Variants in LUZP2 observed in about 807,000 individuals in gnomAD.
The protein encoded by LUZP2 is leucine zipper protein 2.
In LUZP2, 52 loss-of-function variants were observed where a neutral mutation model predicts 51.6. The ratio of observed to expected loss-of-function variants is 1.01; its 90% CI spans 0.81 to 1.27. The LOEUF is 1.27. Among genes scored for constraint, LUZP2 ranks in the 50% most tolerant of loss-of-function variants. LUZP2 has a pLI of 0.00. For missense variants in LUZP2, 436 were observed against 395.4 expected, an observed-to-expected ratio of 1.10 and a Z score of -0.87; for synonymous variants, 154 against 137.3, an observed-to-expected ratio of 1.12 and a Z score of -0.85.
intron 1 of LUZP2, among the ~76,000 whole-genome samples, chr11:24,542,427 G>A (rs959987321): frequency 5.3e-5 from 8 of 151,946 alleles, no homozygotes; most frequent in African/African-American, 1.7e-4. Context: ...ACAAGAAAAA[G>A]GGAAAGTATG....
At position 24,605,857 on chromosome 11, in the gene LUZP2, C is replaced by T. The variant is rs1853899079; in HGVS notation, c.62+108552C>T. On this transcript the variant is annotated intron_variant, in intron 1 of 11. Coordinates refer to ENST00000336930, the MANE Select transcript of LUZP2 (RefSeq NM_001009909.4). ...TGTGTGCCCTTTGACCAGCATATCC[C>T]CATTTTTTTCACCCTTGACCTCTGA... Among the ~76,000 whole-genome samples, 4 of 151,510 alleles carry T rather than the reference C, an allele frequency of 2.6e-5. No individual in the cohort carries two copies. The South Asian group carries it at 8.3e-4, about 31-fold the overall frequency.
intron 1 of LUZP2, among the ~76,000 whole-genome samples, chr11:24,529,699 C>T (rs1415037543): frequency 3.3e-5 from 5 of 150,756 alleles, no homozygotes; most frequent in African/African-American, 7.3e-5. Context: ...GTGAAATTTC[C>T]CCCCATTTAA....
chr11:24,908,757 T>C (rs1351734947), intron 6 of LUZP2, among the ~76,000 whole-genome samples: 1 of 149,904 alleles, frequency 6.7e-6, no homozygotes, highest in African/African-American at 2.4e-5. Context: ...TTGTTTTTTT[T>C]CTTTTTTTTT....
chr11:24,876,045 C>T (rs1490534592), intron 5 of LUZP2, among the ~76,000 whole-genome samples: 4 of 151,988 alleles, frequency 2.6e-5, no homozygotes, highest in Non-Finnish European at 4.4e-5. Flanking sequence ...TTCTCCCATT[C>T]TGTAGGTTGT....
At chr11:24,604,987 A>G (rs1382512797) in intron 1 of LUZP2, among the ~76,000 whole-genome samples, 1 of 151,808 alleles carries the variant, frequency 6.6e-6, no homozygotes, top group Non-Finnish European at 1.5e-5. Flanking sequence ...TCAAGCTAGA[A>G]AGATCAAGAC....
intron 7 of LUZP2, among the ~76,000 whole-genome samples, chr11:24,919,895 T>G (rs1853976224): frequency 6.6e-6 from 1 of 151,590 alleles, no homozygotes; most frequent in South Asian, 2.1e-4. Context: ...AAGAATTATT[T>G]TATACTGGAT....
chr11:24,593,713 T>C (rs566126026), intron 1 of LUZP2, among the ~76,000 whole-genome samples: 1 of 152,230 alleles, frequency 6.6e-6, no homozygotes, highest in Non-Finnish European at 1.5e-5. Flanking sequence ...GATGTTCCAA[T>C]AGGCTCTTAC....
chr11:24,622,906 T>C (rs1854546981), intron 1 of LUZP2, among the ~76,000 whole-genome samples: 1 of 152,230 alleles, frequency 6.6e-6, no homozygotes. Context: ...TTTTACTTTC[T>C]AAATATATGT....
intron 7 of LUZP2, among the ~76,000 whole-genome samples, chr11:24,954,339 A>C (rs1284633374): frequency 6.6e-6 from 1 of 151,988 alleles, no homozygotes; most frequent in African/African-American, 2.4e-5. Context: ...GGAGCATGAC[A>C]CTTTCCACAG....
chr11:24,628,966 A>T (rs925431078), intron 1 of LUZP2, among the ~76,000 whole-genome samples: 1 of 152,144 alleles, frequency 6.6e-6, no homozygotes. Flanking sequence ...AAAAGATTAG[A>T]TCTATATAAT....
intron 1 of LUZP2, among the ~76,000 whole-genome samples, chr11:24,676,971 C>T (rs927384242): frequency 6.6e-6 from 1 of 152,028 alleles, no homozygotes; most frequent in Non-Finnish European, 1.5e-5. Flanking sequence ...CCGGCCAAGC[C>T]TCTCATAGCT....
At chr11:24,631,238 G>T (rs941377129) in intron 1 of LUZP2, among the ~76,000 whole-genome samples, 3 of 151,746 alleles carry the variant, frequency 2.0e-5, no homozygotes, top group African/African-American at 7.3e-5. Flanking sequence ...GAAAATGAGT[G>T]GTGAAAGTGG....
chr11:24,753,045 A>G (rs1859650641), intron 4 of LUZP2, among the ~76,000 whole-genome samples: 1 of 152,124 alleles, frequency 6.6e-6, no homozygotes, highest in African/African-American at 2.4e-5. Flanking sequence ...AACAGATATA[A>G]TAAGGGAAGA....
intron 5 of LUZP2, among the ~76,000 whole-genome samples, chr11:24,855,434 G>A (rs949521202): frequency 2.6e-5 from 4 of 152,112 alleles, no homozygotes; most frequent in African/African-American, 9.7e-5. Flanking sequence ...TCTCCGTAAG[G>A]AAACTACTAA....
In LUZP2 at chr11:24,738,237, C is replaced by T; in HGVS notation, c.268C>T (p.Leu90Phe). ...CTAAAATAGAGAAGAAATGAAGTCTCTTCAGGAGGCCCTGCAAAATCAGCT... is the reference window on the plus strand; with the variant it reads ...CTAAAATAGAGAAGAAATGAAGTCTTTTCAGGAGGCCCTGCAAAATCAGCT... ...GQKQREEMKS[L>F]QEALQNQLKE... Residue 90 changes from leucine to phenylalanine, a missense_variant, in exon 4 of 12, where the codon CTT (leucine) becomes TTT (phenylalanine). Leu to Phe is a conservative substitution (Grantham distance 22). Transcript: ENST00000336930. 2 of 1,610,994 alleles carry T rather than the reference C, an allele frequency of 1.2e-6. No individual in the cohort carries two copies. The highest frequency in any genetic ancestry group is 1.1e-5 in the South Asian group (1 of 90,946).
chr11:24,858,382 T>C (rs907967037), intron 5 of LUZP2, among the ~76,000 whole-genome samples: 3 of 152,160 alleles, frequency 2.0e-5, no homozygotes, highest in Non-Finnish European at 4.4e-5. Flanking sequence ...ATAAAACTAT[T>C]GTATTCTGAC....
At chr11:24,931,209 CAAAAT>C (rs199869184) in intron 7 of LUZP2, among the ~76,000 whole-genome samples, 16,556 of 134,662 alleles carry the variant, frequency 0.12, 1,283 homozygotes, top group African/African-American at 0.21. Flanking sequence ...GACTCTGTCT[CAAAAT>C]AAAATAAAAT....
chr11:24,916,564 T>A (rs1853796854), intron 7 of LUZP2, among the ~76,000 whole-genome samples: 1 of 152,096 alleles, frequency 6.6e-6, no homozygotes, highest in Non-Finnish European at 1.5e-5. Context: ...AGTTCCCACC[T>A]ATGAGTGAGA....
intron 9 of LUZP2, among the ~76,000 whole-genome samples, chr11:24,996,432 T>G (rs1856499656): frequency 6.6e-6 from 1 of 151,886 alleles, no homozygotes; most frequent in African/African-American, 2.4e-5. Flanking sequence ...TACATTCTAT[T>G]AAATTATGAA....
Sources: gnomAD v4.1 joint callset for allele counts (sites outside exome capture counted in the v4.1 genomes callset) on GRCh38, gnomAD v4.1.1 for gene constraint, MANE v1.5 for transcripts, NCBI Gene and HGNC (gene_info 2026-07-23, HGNC 2026-07-21) for gene names.